Variants in ECM2 observed in about 807,000 individuals in gnomAD.
ECM2 encodes the protein extracellular matrix protein 2, female organ and adipocyte specific.
A neutral mutation model predicts 67.5 loss-of-function variants in ECM2; 57 were observed. The ratio of observed to expected loss-of-function variants is 0.84; its 90% CI spans 0.68 to 1.05. The LOEUF (loss-of-function observed/expected upper bound fraction) is 1.05, where lower values mean the gene tolerates loss of function less well. Ranked by LOEUF, ECM2 falls within the 50% of genes least tolerant of loss-of-function variation. The pLI is 0.00. For synonymous variants in ECM2, 258 were observed against 294.5 expected (o/e 0.88, Z 1.27); for missense variants, 741 against 822.8 (o/e 0.90, Z 1.22).
the ECM2 span, among the ~76,000 whole-genome samples, chr9:92,557,798 A>T: frequency 0.04 from 6,045 of 151,918 alleles, 185 homozygotes; most frequent in South Asian, 0.098. Flanking sequence ...ATGCACCACC[A>T]CGCCCGACTA....
chr9:92,494,884 C>T (rs1336230971), downstream of ECM2, among the ~76,000 whole-genome samples: 6 of 151,924 alleles, frequency 3.9e-5, no homozygotes, highest in East Asian at 1.9e-4. Context: ...TCCAGCCTGG[C>T]GACAGAGTGA....
At chr9:92,541,055 T>C (rs1849306767), upstream of ECM2, among the ~76,000 whole-genome samples, 1 of 149,568 alleles carries the variant, frequency 6.7e-6, no homozygotes, top group African/African-American at 2.5e-5. Context: ...AGGTCAGGAG[T>C]TCAAGACCAG....
chr9:92,494,180 A>C (rs1208851100), downstream of ECM2: 1 of 1,592,116 alleles, frequency 6.3e-7, no homozygotes, highest in African/African-American at 1.3e-5. Flanking sequence ...AAATGAATGA[A>C]TGAATCGTTT....
At chr9:92,532,315 A>G (rs932153769) in intron 1 of ECM2, among the ~76,000 whole-genome samples, 8 of 151,966 alleles carry the variant, frequency 5.3e-5, no homozygotes, top group Non-Finnish European at 1.2e-4. Flanking sequence ...CACTCTGTAT[A>G]CAAAGATATA....
chr9:92,533,314 A>ATATAT (rs1848934895), intron 1 of ECM2, among the ~76,000 whole-genome samples: 7 of 95,018 alleles, frequency 7.4e-5, no homozygotes, highest in African/African-American at 3.0e-4. Context: ...AAAAAAAAAA[A>ATATAT]AAAAAAAAAA....
At chr9:92,554,496 C>T in the ECM2 span, among the ~76,000 whole-genome samples, 668 of 150,826 alleles carry the variant, frequency 4.4e-3, 8 homozygotes, top group East Asian at 6.9e-3. Flanking sequence ...ACCTTTAATT[C>T]TGCTTATGTG....
At chr9:92,556,383 C>CTG in the ECM2 span, among the ~76,000 whole-genome samples, 1 of 152,028 alleles carries the variant, frequency 6.6e-6, no homozygotes, top group African/African-American at 2.4e-5. Context: ...GTGAAATGTT[C>CTG]TGTATATATA....
chr9:92,514,741 C>A lies in ECM2; in HGVS notation c.944G>T (p.Arg315Leu), dbSNP rs560017678. ...GGACAGAGAGCACCCGCTTGGCAGG[C>A]GCAGTGTGCCTCTGGGAGGAGCAGG... ...PLPAPPRGTL[R>L]LPSGCSLSYR... is the part of the protein sequence containing the mutation. Residue 315 changes from arginine to leucine, a missense_variant, in exon 4 of 10, where the codon CGC (arginine) becomes CTC (leucine). Arg to Leu is a moderately radical substitution (Grantham distance 102). Coordinates refer to ENST00000344604, the MANE Select transcript of ECM2 (RefSeq NM_001393.4). The A allele has an allele frequency of 4.3e-5, 69 of 1,613,962 alleles. No individual in the cohort carries two copies. The highest frequency in any genetic ancestry group is 5.3e-5 in the African/African-American group (4 of 74,898).
rs1225811655 is a variant in ECM2, at chr9:92,505,704, A to G, written c.1307-14T>C. 5.2e-6 allele frequency: 8 copies of G among 1,549,310 alleles called. No individual in the cohort carries two copies. The highest frequency in any genetic ancestry group is 6.9e-6 in the Non-Finnish European group (8 of 1,151,782). On this transcript the variant is annotated splice_polypyrimidine_tract_variant and intron_variant, in intron 6 of 9. Coordinates refer to ENST00000344604, the MANE Select transcript of ECM2 (RefSeq NM_001393.4). ...ACTGATTTAAGTCTATAAAAAATAA[A>G]AGTATTAGAATATTAGGATAATTGA...
chr9:92,547,293 T>A, the ECM2 span, among the ~76,000 whole-genome samples: 2 of 152,244 alleles, frequency 1.3e-5, no homozygotes, highest in African/African-American at 4.8e-5. Flanking sequence ...ATGCTTCAAC[T>A]ACTAGCTGTA....
Position 92,510,086 on chromosome 9 carries a change from T to C in ECM2, c.1171-52A>G, listed in dbSNP as rs891757981. 5 of 1,544,256 alleles carry C rather than the reference T, an allele frequency of 3.2e-6. No individual in the cohort carries two copies. The African/African-American group carries it at 5.6e-5, about 17-fold the overall frequency. On this transcript the variant is annotated intron_variant, in intron 5 of 9. Coordinates refer to ENST00000344604, the MANE Select transcript of ECM2 (RefSeq NM_001393.4). Reference sequence around the variant, plus strand: ...TTTTTATCTAGTCACAGCTGTGCAGTCACATTTCATATAATGGTCGTGACT... The same window carrying C: ...TTTTTATCTAGTCACAGCTGTGCAGCCACATTTCATATAATGGTCGTGACT...
At position 92,522,837 on chromosome 9, in the gene ECM2, A is replaced by G; in HGVS notation, c.30T>C (p.Phe10=). 1 of 1,608,162 alleles carries G rather than the reference A, an allele frequency of 6.2e-7. No homozygotes were observed. MKIAVLFCF[F]LLIIFQTDFG... ...AGTCAGTTTGAAAAATGATAAGCAGAAAAAAACAAAACAAAACTGCAATCT... is the reference window on the plus strand; with the variant it reads ...AGTCAGTTTGAAAAATGATAAGCAGGAAAAAACAAAACAAAACTGCAATCT... Residue 10 remains phenylalanine (F), a synonymous_variant, in exon 2 of 10, where the codon TTT becomes TTC. Transcript: ENST00000344604.
At chr9:92,549,450 C>T in the ECM2 span, among the ~76,000 whole-genome samples, 1 of 152,068 alleles carries the variant, frequency 6.6e-6, no homozygotes, top group Admixed American at 6.6e-5. Context: ...AGTTCGAGAC[C>T]AGCCTGGCCA....
At chr9:92,521,313 A>G (rs1040047705) in intron 2 of ECM2, among the ~76,000 whole-genome samples, 2 of 152,180 alleles carry the variant, frequency 1.3e-5, no homozygotes, top group African/African-American at 4.8e-5. Flanking sequence ...TAGCTTAGCC[A>G]TCTTTCCACT....
At chr9:92,545,439 C>A in the ECM2 span, among the ~76,000 whole-genome samples, 1 of 152,184 alleles carries the variant, frequency 6.6e-6, no homozygotes, top group Non-Finnish European at 1.5e-5. Flanking sequence ...AGTGCCGGCC[C>A]ACCGGCGCTG....
chr9:92,499,019 A>T (rs1846519720), intron 9 of ECM2, among the ~76,000 whole-genome samples: 1 of 152,202 alleles, frequency 6.6e-6, no homozygotes, highest in Admixed American at 6.5e-5. Flanking sequence ...GGGCTTCTCA[A>T]TACTATTCCC....
chr9:92,523,848 G>A (rs1344973230), intron 1 of ECM2, among the ~76,000 whole-genome samples: 1 of 152,160 alleles, frequency 6.6e-6, no homozygotes, highest in East Asian at 1.9e-4. Flanking sequence ...GGAACATAAC[G>A]GCGATAAGAA....
intron 9 of ECM2, 84 bp from the exon 10 acceptor site, chr9:92,496,567 AT>A: frequency 6.5e-7 from 1 of 1,527,180 alleles, no homozygotes; most frequent in South Asian, 1.3e-5. Flanking sequence ...TGTTAAAAAA[AT>A]TTTGTTCTTA....
intron 3 of ECM2, chr9:92,517,400 G>C (rs1847795804): frequency 1.8e-6 from 1 of 566,258 alleles, no homozygotes; most frequent in Non-Finnish European, 3.1e-6. Flanking sequence ...ATCTGTTGTA[G>C]AAATTCTGTT....
Sources: allele counts gnomAD v4.1 joint callset (sites outside exome capture counted in the v4.1 genomes callset), GRCh38; gene constraint gnomAD v4.1.1; transcripts MANE v1.5; gene names NCBI Gene and HGNC (gene_info 2026-07-23, HGNC 2026-07-21).